Variants in PABIR3 observed in about 807,000 individuals in gnomAD.
PABIR3 encodes the protein PABIR family member 3.
A neutral mutation model predicts 23.1 loss-of-function variants in PABIR3; 20 were observed. The ratio of observed to expected loss-of-function variants is 0.86; its 90% CI spans 0.61 to 1.26. PABIR3 has a LOEUF of 1.26. Among genes scored for constraint, PABIR3 ranks in the 50% most tolerant of loss-of-function variants. The pLI, the probability that PABIR3 is intolerant of heterozygous loss-of-function variation, is 0.00. For missense variants in PABIR3, 189 were observed against 195.4 expected (o/e 0.97, Z 0.20); for synonymous variants, 69 against 68.5 (o/e 1.01, Z -0.04).
intron 1 of PABIR3, among the ~76,000 whole-genome samples, chrX:134,797,783 T>C (rs1300472070): frequency 9.2e-6 from 1 of 109,126 alleles, no homozygotes; most frequent in Non-Finnish European, 1.9e-5. Context: ...TCCCTAACAA[T>C]CATGCCTCAG....
At chrX:134,858,288 AG>A (rs2148380432), downstream of PABIR3, among the ~76,000 whole-genome samples, 1 of 111,867 alleles carries the variant, frequency 8.9e-6, no homozygotes, top group South Asian at 3.7e-4. Flanking sequence ...TAACATTAAA[AG>A]GGGGGACGAG....
At chrX:134,858,227 TCA>T (rs781207547), downstream of PABIR3, among the ~76,000 whole-genome samples, 1 of 111,972 alleles carries the variant, frequency 8.9e-6, no homozygotes, top group East Asian at 2.8e-4. Context: ...ATGGACTCTG[TCA>T]CAAGACAGTT....
intron 3 of PABIR3, among the ~76,000 whole-genome samples, chrX:134,828,381 G>A (rs1006536453): frequency 2.7e-5 from 3 of 111,124 alleles, no homozygotes; most frequent in African/African-American, 9.8e-5. Flanking sequence ...ATGAGCTACC[G>A]CGCCCGGCCT....
intron 7 of PABIR3, 96 bp from the exon 8 acceptor site, chrX:134,847,786 CT>C: frequency 1.6e-6 from 1 of 642,840 alleles, no homozygotes; most frequent in Non-Finnish European, 2.4e-6. Context: ...GTACCCCAGT[CT>C]CCCTCCCTAC....
chrX:134,847,355 A>T (rs1313092315), intron 6 of PABIR3, 28 bp from the exon 7 acceptor site: 4 of 1,123,406 alleles, frequency 3.6e-6, no homozygotes, highest in Non-Finnish European at 4.9e-6. Flanking sequence ...TTGGTGCTAC[A>T]ATTGTACACT....
At chrX:134,844,335 C>T (rs925491799) in intron 4 of PABIR3, 2 of 110,720 alleles carry the variant, frequency 1.8e-5, no homozygotes, top group Non-Finnish European at 3.8e-5. Context: ...CTTTAATATT[C>T]CATATGAATT....
intron 2 of PABIR3, chrX:134,811,300 T>C (rs1399933195): frequency 3.8e-6 from 1 of 264,543 alleles, no homozygotes; most frequent in African/African-American, 3.0e-5. Flanking sequence ...CTGACCCTTA[T>C]TCAAAGACTC....
At position 134,847,868 on chromosome X, in the gene PABIR3, C is replaced by T; in HGVS notation, c.439-15C>T. The T allele has an allele frequency of 8.7e-7, 1 of 1,146,977 alleles. No individual in the cohort carries two copies. Among genetic ancestry groups the T allele is most frequent in the Non-Finnish European group, 1.2e-6 (1 of 865,478 alleles). 94.5% of individuals were successfully genotyped at this position (1,146,977 alleles called of 1,213,427 possible). ...AAGTGGCGGTTTTAAAACCTCTGTTCCAATTTGATTTTAGCAGTGTTTCTC... is the reference window on the plus strand; with the variant it reads ...AAGTGGCGGTTTTAAAACCTCTGTTTCAATTTGATTTTAGCAGTGTTTCTC... On this transcript the variant is annotated splice_polypyrimidine_tract_variant and intron_variant, in intron 7 of 10. Coordinates refer to ENST00000645433, the MANE Select transcript of PABIR3 (RefSeq NM_001388447.1).
chrX:134,816,577 C>T (rs2080990823), intron 3 of PABIR3, among the ~76,000 whole-genome samples: 1 of 110,850 alleles, frequency 9.0e-6, no homozygotes, highest in Non-Finnish European at 1.9e-5. Context: ...CCGCCTTGGC[C>T]TCCCAAAGTG....
rs780603231 is a variant in PABIR3 at position 134,800,567 on chromosome X, G to A, written c.-97-3534G>A. Among the ~76,000 whole-genome samples the A allele has an allele frequency of 1.8e-4, 20 of 111,746 alleles. No homozygotes were observed. In the South Asian group the frequency reaches 6.2e-3, roughly 35 times the overall value. On this transcript the variant is annotated intron_variant, in intron 1 of 4. Coordinates refer to the PABIR3 transcript ENST00000414371. ...AGCACTTTGGGAGGCCGAGGTGGGC[G>A]GATCACAAGGTCAAGAGATCGAGAC...
chrX:134,856,580 T>C (rs147574329), downstream of PABIR3, among the ~76,000 whole-genome samples: 1,910 of 112,009 alleles, frequency 0.017, 118 homozygotes, highest in East Asian at 0.3. Context: ...GATTCCATAG[T>C]TGGTTCTCCA....
upstream of PABIR3, among the ~76,000 whole-genome samples, chrX:134,802,511 C>T (rs1231624178): frequency 8.9e-6 from 1 of 111,951 alleles, no homozygotes; most frequent in Non-Finnish European, 1.9e-5. Context: ...CTGGTCCCAT[C>T]CCAGGAGAGA....
At chrX:134,844,185 A>G (rs1282860455) in intron 4 of PABIR3, 1 of 111,067 alleles carries the variant, frequency 9.0e-6, no homozygotes, top group Non-Finnish European at 1.9e-5. Context: ...TCGGCCTCAC[A>G]AAGTGCTGGT....
chrX:134,813,878 G>T (rs2080814952), intron 2 of PABIR3, among the ~76,000 whole-genome samples: 1 of 111,070 alleles, frequency 9.0e-6, no homozygotes, highest in Non-Finnish European at 1.9e-5. Context: ...GGCATCAGCT[G>T]CACAACTTCA....
intron 3 of PABIR3, among the ~76,000 whole-genome samples, chrX:134,828,879 C>T (rs1327989458): frequency 9.0e-6 from 1 of 111,340 alleles, no homozygotes; most frequent in Non-Finnish European, 1.9e-5. Context: ...TCTACCTAAG[C>T]TTTAATGATG....
chrX:134,854,888 A>T (rs753456935), downstream of PABIR3: 1 of 112,068 alleles, frequency 8.9e-6, no homozygotes, highest in African/African-American at 3.2e-5. Flanking sequence ...ACCCTGATTA[A>T]TTTTGTATTC....
intron 2 of PABIR3, chrX:134,810,719 C>A: frequency 1.3e-6 from 1 of 753,585 alleles, no homozygotes; most frequent in Non-Finnish European, 1.6e-6. Context: ...TTCCTTGGCC[C>A]TCTAATACTT....
intron 3 of PABIR3, chrX:134,821,461 C>T (rs1180539708): frequency 8.7e-7 from 1 of 1,154,464 alleles, no homozygotes; most frequent in Admixed American, 2.6e-5. Flanking sequence ...TCCTTTCTCT[C>T]CCACCAGGAA....
At position 134,829,259 on chromosome X, in the gene PABIR3, A is replaced by T; in HGVS notation, c.223A>T (p.Ser75Cys). Reference protein sequence around the residue: ...LPPPPFHGSISRLHQIKQEEA... With the variant: ...LPPPPFHGSICRLHQIKQEEA... ...ACCTCCTCCCTTTCATGGTTCCATC[A>T]GCCGCCTTCATCAAATCAAACAGGT... is the stretch of plus-strand genomic sequence containing the variant. Residue 75 changes from serine to cysteine, a missense_variant, in exon 4 of 11, where the codon AGC becomes TGC. Physicochemically the swap from Ser to Cys is moderately radical, Grantham distance 112. Transcript: ENST00000645433. 1 of 1,209,113 alleles carries T rather than the reference A, an allele frequency of 8.3e-7. No individual in the cohort carries two copies. The highest frequency in any genetic ancestry group is 1.7e-5 in the African/African-American group (1 of 57,800).
Sources: allele counts gnomAD v4.1 joint callset (sites outside exome capture counted in the v4.1 genomes callset), GRCh38; gene constraint gnomAD v4.1.1; transcripts MANE v1.5; gene names NCBI Gene and HGNC (gene_info 2026-07-23, HGNC 2026-07-21).